Variants in FBXO31 observed in about 807,000 individuals in gnomAD.
FBXO31 encodes the protein F-box protein 31.
A neutral mutation model predicts 54.4 loss-of-function variants in FBXO31; 24 were observed. The ratio of observed to expected loss-of-function variants is 0.44; its 90% CI spans 0.32 to 0.62. FBXO31 has a LOEUF of 0.62. Among genes scored for constraint, FBXO31 ranks in the 20% least tolerant of loss-of-function variants. The pLI is 0.05. For missense variants in FBXO31, 665 were observed against 787.1 expected (o/e 0.84, Z 1.86); for synonymous variants, 388 against 335.6 (o/e 1.16, Z -1.71).
chr16:87,371,217 G>C (rs1906589524), intron 1 of FBXO31, among the ~76,000 whole-genome samples: 1 of 152,232 alleles, frequency 6.6e-6, no homozygotes. Flanking sequence ...AGCCAGCGTA[G>C]CTCCTGCTCA....
chr16:87,336,060 C>A lies in FBXO31; in HGVS notation c.842+95G>T. 9.9e-7 allele frequency: 1 copy of A among 1,014,008 alleles called. No homozygotes were observed. 62.8% of individuals were successfully genotyped at this position (1,014,008 alleles called of 1,614,324 possible). A position where few individuals can be genotyped will look rare whatever the true frequency, so the allele number is the denominator to read the frequency against. On this transcript the variant is annotated intron_variant, in intron 6 of 8. Coordinates refer to ENST00000311635, the MANE Select transcript of FBXO31 (RefSeq NM_024735.5). The surrounding 1 kb of genome is among the most constrained non-coding windows in gnomAD (Gnocchi z 6.5). Reference sequence around the variant, plus strand: ...GGCTGAACCCCAGCACCCACTGAGACAAAGGACTATGCCCCAGCACCCACC... The same window carrying A: ...GGCTGAACCCCAGCACCCACTGAGAAAAAGGACTATGCCCCAGCACCCACC...
At position 87,343,644 on chromosome 16, in the gene FBXO31, A is replaced by C. The variant is rs182224971; in HGVS notation, c.611T>G (p.Val204Gly). The change falls in exon 4 of 9, where the codon GTG (valine) becomes GGG (glycine). Residue 204 changes from valine to glycine, a missense_variant. By Grantham distance (109) the Val-to-Gly change is moderately radical. Around this residue, in one of 4 missense-constraint regions of FBXO31, gnomAD observed 234 missense variants for 346.8 expected, o/e 0.67. Coordinates refer to ENST00000311635, the MANE Select transcript of FBXO31 (RefSeq NM_024735.5). ...IHLMERKAAT[V>G]ECMYGHKGPH... is the part of the protein sequence containing the mutation. ...CCCTTTGTGGCCGTACATGCACTCC[A>C]CTGTGGCAGCCTTCCTCTCCATCAG... 1 of 1,613,778 alleles carries C rather than the reference A, an allele frequency of 6.2e-7. No homozygotes were observed.
Position 87,335,390 on chromosome 16 carries a change from G to T in FBXO31, c.910C>A (p.Leu304Ile). Residue 304 changes from leucine to isoleucine, a missense_variant, in exon 7 of 9, where the codon CTC becomes ATC. This residue lies in a region of FBXO31 where 234 missense variants were observed against 346.8 expected (regional missense o/e 0.67). Coordinates refer to ENST00000311635, the MANE Select transcript of FBXO31 (RefSeq NM_024735.5). The surrounding 1 kb of genome is among the most constrained non-coding windows in gnomAD (Gnocchi z 5.7). ...SRPDDLIKPG[L>I]FKGTYGSHGL... ...TGGCTGCCATAGGTACCTTTGAAGA[G>T]GCCAGGCTTGATGAGGTCGTCGGGG... 1 of 1,614,024 alleles carries T rather than the reference G, an allele frequency of 6.2e-7. No individual in the cohort carries two copies. The highest frequency in any genetic ancestry group is 2.2e-5 in the East Asian group (1 of 44,874).
In FBXO31 at chr16:87,336,051, CCACT is replaced by C. The variant is rs1905037658; in HGVS notation, c.842+100_842+103del. On this transcript the variant is annotated intron_variant, in intron 6 of 8. Coordinates refer to ENST00000311635, the MANE Select transcript of FBXO31 (RefSeq NM_024735.5). This position sits in a 1 kb window ranked among gnomAD's most constrained non-coding sequence, Gnocchi z 6.5. Reference sequence around the variant, plus strand: ...AGGAGAGAGGGCTGAACCCCAGCACCCACTGAGACAAAGGACTATGCCCCAGCAC... The same window carrying C: ...AGGAGAGAGGGCTGAACCCCAGCACCGAGACAAAGGACTATGCCCCAGCAC... The C allele has an allele frequency of 4.6e-6, 4 of 878,382 alleles. No individual in the cohort carries two copies. In the Admixed American group the frequency reaches 9.4e-5, roughly 21 times the overall value. 54.4% of individuals were successfully genotyped at this position (878,382 alleles called of 1,614,324 possible). A position where few individuals can be genotyped will look rare whatever the true frequency, so the allele number is the denominator to read the frequency against.
At chr16:87,384,165 T>C (rs1292170402), upstream of FBXO31, 2 of 153,022 alleles carry the variant, frequency 1.3e-5, no homozygotes, top group Non-Finnish European at 2.9e-5. Context: ...TGCGTCCCGC[T>C]TCCGGCGCCC....
chr16:87,344,003 CCAGA>C lies in FBXO31; in HGVS notation c.490-242_490-239del, dbSNP rs879876992. Among the ~76,000 whole-genome samples the C allele has an allele frequency of 7.9e-5, 12 of 152,328 alleles. No individual in the cohort carries two copies. In the East Asian group the frequency reaches 2.3e-3, roughly 29 times the overall value. ...AAAGTGACACGGGGTGAGGTGCCGA[CCAGA>C]CAGAGGGAAAGGGGGTGCATCTCCC... On this transcript the variant is annotated intron_variant, in intron 3 of 8. Transcript: ENST00000311635.
intron 1 of FBXO31, among the ~76,000 whole-genome samples, chr16:87,376,311 T>C (rs1006662624): frequency 1.3e-4 from 19 of 151,816 alleles, no homozygotes; most frequent in African/African-American, 3.6e-4. Flanking sequence ...TCTTACTCTG[T>C]CGCCCAGGCT....
intron 2 of FBXO31, among the ~76,000 whole-genome samples, chr16:87,360,052 C>G (rs1372710779): frequency 6.6e-6 from 1 of 152,206 alleles, no homozygotes; most frequent in Non-Finnish European, 1.5e-5. Context: ...TTTCTCAGCT[C>G]TAAAGGGCCT....
In FBXO31 at chr16:87,335,376, G is replaced by C; in HGVS notation, c.924C>G (p.Thr308=). The C allele has an allele frequency of 6.2e-7, 1 of 1,614,034 alleles. No individual in the cohort carries two copies. The highest frequency in any genetic ancestry group is 8.5e-7 in the Non-Finnish European group (1 of 1,179,998). ...DLIKPGLFKG[T]YGSHGLEIVM... is the part of the protein sequence containing the mutation. ...CAATCTCCAGGCCGTGGCTGCCATA[G>C]GTACCTTTGAAGAGGCCAGGCTTGA... The change falls in exon 7 of 9, where the codon ACC becomes ACG. Residue 308 remains threonine, a synonymous_variant. Coordinates refer to ENST00000311635, the MANE Select transcript of FBXO31 (RefSeq NM_024735.5). This position sits in a 1 kb window ranked among gnomAD's most constrained non-coding sequence, Gnocchi z 5.7.
Position 87,335,045 on chromosome 16 carries a change from C to T in FBXO31, c.996+259G>A, listed in dbSNP as rs1905000580. The stretch of plus-strand genomic sequence containing the variant: ...AACCCCACAGGGCTGCCAGGGTGGC[C>T]GGGGCTGAGCGGTGCTGTGGGAAGG... On this transcript the variant is annotated intron_variant, in intron 7 of 8. Transcript: ENST00000311635. The surrounding 1 kb of genome is among the most constrained non-coding windows in gnomAD (Gnocchi z 5.7). 1.3e-5 allele frequency among the ~76,000 whole-genome samples: 2 copies of T among 152,210 alleles called. No individual in the cohort carries two copies. The highest frequency in any genetic ancestry group is 1.3e-4 in the Admixed American group (2 of 15,288).
intron 2 of FBXO31, among the ~76,000 whole-genome samples, chr16:87,356,530 A>G (rs16942901): frequency 0.016 from 2,507 of 152,134 alleles, 64 homozygotes; most frequent in African/African-American, 0.056. Flanking sequence ...TAGACAGTTC[A>G]CACCTCAACA....
intron 1 of FBXO31, among the ~76,000 whole-genome samples, chr16:87,379,683 G>C (rs1347567537): frequency 2.0e-5 from 3 of 152,038 alleles, no homozygotes; most frequent in Non-Finnish European, 4.4e-5. Context: ...CTGTGGGACA[G>C]ACCCGGCAAT....
upstream of FBXO31, among the ~76,000 whole-genome samples, chr16:87,391,193 G>C (rs760238038): frequency 2.0e-5 from 3 of 152,120 alleles, no homozygotes; most frequent in Non-Finnish European, 4.4e-5. Context: ...TCTACTCCCA[G>C]CTTCTCGGGA....
chr16:87,357,230 A>C (rs1421826851), intron 2 of FBXO31, among the ~76,000 whole-genome samples: 1 of 151,694 alleles, frequency 6.6e-6, no homozygotes, highest in Admixed American at 6.6e-5. Flanking sequence ...GGGCAACAAG[A>C]CAGACCCTGT....
chr16:87,337,276 G>C (rs1426508463), intron 5 of FBXO31, among the ~76,000 whole-genome samples: 3 of 152,244 alleles, frequency 2.0e-5, no homozygotes, highest in Non-Finnish European at 4.4e-5. Flanking sequence ...AACCACCGCT[G>C]AAAGGAAGTA....
chr16:87,347,049 T>G, intron 3 of FBXO31, 125 bp downstream of exon 3: 1 of 824,028 alleles, frequency 1.2e-6, no homozygotes, highest in Non-Finnish European at 2.1e-6. Flanking sequence ...AAGAATTTTT[T>G]GGTAATTACC....
At chr16:87,382,434 T>C (rs2150700560) in intron 1 of FBXO31, among the ~76,000 whole-genome samples, 1 of 152,326 alleles carries the variant, frequency 6.6e-6, no homozygotes, top group South Asian at 2.1e-4. Context: ...TATGAGCTGC[T>C]TGAACATCAA....
At chr16:87,368,234 C>T (rs924893269) in intron 1 of FBXO31, among the ~76,000 whole-genome samples, 2 of 152,216 alleles carry the variant, frequency 1.3e-5, no homozygotes, top group African/African-American at 2.4e-5. Context: ...AAGGTCACGA[C>T]AAATGAACCA....
intron 3 of FBXO31, among the ~76,000 whole-genome samples, chr16:87,344,260 C>T (rs1000217271): frequency 2.6e-5 from 4 of 152,250 alleles, no homozygotes; most frequent in Non-Finnish European, 5.9e-5. Flanking sequence ...AGCTGAAATG[C>T]CACGGGCCTG....
Sources: gnomAD v4.1 joint callset for allele counts (sites outside exome capture counted in the v4.1 genomes callset) on GRCh38, gnomAD v4.1.1 for gene constraint, gnomAD v4.1.1 regional missense constraint, Gnocchi (gnomAD v3.1) non-coding constraint, MANE v1.5 for transcripts, NCBI Gene and HGNC (gene_info 2026-07-23, HGNC 2026-07-21) for gene names.